FGL1: variants seen among roughly 807,000 people sequenced by gnomAD.
The protein encoded by FGL1 is fibrinogen like 1.
In FGL1, 59 loss-of-function variants were observed where a neutral mutation model predicts 43.7. The observed-to-expected ratio is 1.35, with a 90% confidence interval of 1.10 to 1.68. The LOEUF is 1.68. Among genes scored for constraint, FGL1 ranks in the 40% most tolerant of loss-of-function variants. The pLI is 0.00. For missense variants in FGL1, 596 were observed against 373.0 expected (o/e 1.60, Z -4.92); for synonymous variants, 192 against 126.5 (o/e 1.52, Z -3.48).
intron 3 of FGL1, 120 bp downstream of exon 3, chr8:17,881,879 G>C: frequency 4.1e-6 from 3 of 729,082 alleles, no homozygotes; most frequent in Non-Finnish European, 6.4e-6. Flanking sequence ...ATTTACAATA[G>C]ATATAATGCT....
At chr8:17,894,818 A>G (rs2053752319) in intron 1 of FGL1, among the ~76,000 whole-genome samples, 1 of 146,414 alleles carries the variant, frequency 6.8e-6, no homozygotes, top group Non-Finnish European at 1.5e-5. Flanking sequence ...TGATGCACCT[A>G]TATATCATAT....
intron 3 of FGL1, among the ~76,000 whole-genome samples, chr8:17,876,306 G>C (rs1563453018): frequency 1.3e-5 from 2 of 151,908 alleles, no homozygotes; most frequent in African/African-American, 2.4e-5. Flanking sequence ...TTTTGTTACA[G>C]ATAAAATATA....
At chr8:17,893,502 A>G (rs1414220183) in intron 1 of FGL1, among the ~76,000 whole-genome samples, 1 of 150,604 alleles carries the variant, frequency 6.6e-6, no homozygotes, top group Non-Finnish European at 1.5e-5. Context: ...GGCTAATGAA[A>G]TTTTTTTGAC....
chr8:17,874,053 C>A lies in FGL1; in HGVS notation c.468G>T (p.Leu156=). 1 of 1,610,658 alleles carries A rather than the reference C, an allele frequency of 6.2e-7. No homozygotes were observed. Among genetic ancestry groups the A allele is most frequent in the Non-Finnish European group, 8.5e-7 (1 of 1,178,990 alleles). Residue 156 remains leucine, a synonymous_variant, in exon 5 of 8, where the codon CTG becomes CTT. Transcript: ENST00000427924. ...NFVQKHGEYW[L]GNKNLHFLTT... ...TCAAGAAGTGAAGATTTTTATTGCC[C>A]AGCCAATATTCACCATGTTTTTGGA...
At chr8:17,880,353 A>G (rs2053516867) in intron 3 of FGL1, among the ~76,000 whole-genome samples, 1 of 152,236 alleles carries the variant, frequency 6.6e-6, no homozygotes, top group Non-Finnish European at 1.5e-5. Context: ...GGTGCCCTGA[A>G]GCATTTTATG....
intron 5 of FGL1, among the ~76,000 whole-genome samples, chr8:17,871,729 AC>A (rs138060058): frequency 0.021 from 3,170 of 152,270 alleles, 58 homozygotes; most frequent in South Asian, 0.05. Flanking sequence ...GAATGCAGAG[AC>A]AAAAACACTG....
Position 17,874,465 on chromosome 8 carries a change from G to T in FGL1, c.301C>A (p.Pro101Thr). Reference sequence around the variant, plus strand: ...GAAAATTCTGCTGGGCTCTGGAGAGGTTTGATTTTGTAAAATCCACTGAGC... The same window carrying T: ...GAAAATTCTGCTGGGCTCTGGAGAGTTTTGATTTTGTAAAATCCACTGAGC... ...YKLSGFYKIK[P>T]LQSPAEFSVY... The change falls in exon 4 of 8, where the codon CCT becomes ACT. Residue 101 changes from proline to threonine, a missense_variant. Transcript: ENST00000427924. 1 of 1,613,966 alleles carries T rather than the reference G, an allele frequency of 6.2e-7. No homozygotes were observed. The highest frequency in any genetic ancestry group is 8.5e-7 in the Non-Finnish European group (1 of 1,179,920).
chr8:17,891,400 C>G (rs910685038), intron 1 of FGL1: 10 of 152,198 alleles, frequency 6.6e-5, no homozygotes, highest in African/African-American at 2.4e-4. Context: ...CAGTATCACT[C>G]TATTCTCTGA....
chr8:17,866,432 A>G (rs940346209), intron 7 of FGL1, among the ~76,000 whole-genome samples: 1 of 152,246 alleles, frequency 6.6e-6, no homozygotes, highest in East Asian at 1.9e-4. Context: ...ACAGAAAAAA[A>G]GCAACAGTAA....
chr8:17,868,108 A>G (rs1028907360), intron 7 of FGL1, among the ~76,000 whole-genome samples: 4 of 152,246 alleles, frequency 2.6e-5, no homozygotes, highest in African/African-American at 9.6e-5. Flanking sequence ...AGACTCAATG[A>G]ATTAATGAAA....
At chr8:17,885,129 C>T (rs2053608886) in intron 2 of FGL1, among the ~76,000 whole-genome samples, 1 of 151,888 alleles carries the variant, frequency 6.6e-6, no homozygotes. Flanking sequence ...CAATCTCCGC[C>T]TCCTGGGTTC....
chr8:17,884,658 G>T (rs921123739), intron 2 of FGL1, among the ~76,000 whole-genome samples: 8 of 152,126 alleles, frequency 5.3e-5, no homozygotes, highest in African/African-American at 7.2e-5. Context: ...TACAACAGTG[G>T]GGGATCGGTT....
chr8:17,884,728 C>G (rs924180577), intron 2 of FGL1, among the ~76,000 whole-genome samples: 4 of 152,152 alleles, frequency 2.6e-5, no homozygotes, highest in African/African-American at 9.7e-5. Flanking sequence ...CATCACAGGT[C>G]AAGTATGCCC....
intron 1 of FGL1, among the ~76,000 whole-genome samples, chr8:17,888,170 T>C (rs1473774789): frequency 6.6e-6 from 1 of 152,120 alleles, no homozygotes; most frequent in Non-Finnish European, 1.5e-5. Flanking sequence ...AACTTTCTGA[T>C]ATTTAAAACA....
intron 3 of FGL1, among the ~76,000 whole-genome samples, chr8:17,881,692 G>A (rs2053538283): frequency 6.6e-6 from 1 of 151,410 alleles, no homozygotes; most frequent in African/African-American, 2.4e-5. Flanking sequence ...AAAGTAGCCG[G>A]GCCTGGTGGT....
intron 5 of FGL1, 99 bp downstream of exon 5, chr8:17,873,920 A>G (rs2053402816): frequency 5.7e-6 from 4 of 705,054 alleles, no homozygotes; most frequent in Admixed American, 7.1e-5. Flanking sequence ...AATCATAGCA[A>G]TTATTGAATT....
At chr8:17,865,285 CA>C (rs1481211954) in intron 7 of FGL1, among the ~76,000 whole-genome samples, 3 of 152,180 alleles carry the variant, frequency 2.0e-5, no homozygotes, top group Non-Finnish European at 2.9e-5. Context: ...GTGTTAATTT[CA>C]TACTTAACAA....
chr8:17,872,301 C>T (rs373000456), intron 5 of FGL1, among the ~76,000 whole-genome samples: 1 of 35,512 alleles, frequency 2.8e-5, no homozygotes, highest in East Asian at 4.5e-4. Context: ...ATCTTAATTA[C>T]TTTATTATTA....
At chr8:17,887,530 C>G (rs1037963688) in intron 1 of FGL1, among the ~76,000 whole-genome samples, 7 of 152,288 alleles carry the variant, frequency 4.6e-5, no homozygotes, top group African/African-American at 1.7e-4. Flanking sequence ...CATGACTTAA[C>G]CCTTTCACCC....
Sources: gnomAD v4.1 joint callset for allele counts (sites outside exome capture counted in the v4.1 genomes callset) on GRCh38, gnomAD v4.1.1 for gene constraint, MANE v1.5 for transcripts, NCBI Gene and HGNC (gene_info 2026-07-23, HGNC 2026-07-21) for gene names.